The following INTS15 variants were observed in gnomAD, a reference collection of about 807,000 sequenced individuals.
INTS15 encodes uncharacterized protein C7orf26.
chr7:6,597,605 G>A, the INTS15 span, among the ~76,000 whole-genome samples: 1 of 152,166 alleles, frequency 6.6e-6, no homozygotes, highest in Admixed American at 6.6e-5. Flanking sequence ...TACCTTTTAA[G>A]TCATTGGTTA....
chr7:6,599,454 G>C, the INTS15 span, among the ~76,000 whole-genome samples: 1 of 152,314 alleles, frequency 6.6e-6, no homozygotes, highest in East Asian at 1.9e-4. Flanking sequence ...GGGAGGACAC[G>C]TACTCAGGGA....
the INTS15 span, chr7:6,594,679 A>G: frequency 2.9e-5 from 40 of 1,371,738 alleles, no homozygotes; most frequent in Admixed American, 3.7e-5. Context: ...TACCCAGGTG[A>G]AGTGTCCAGT....
At chr7:6,606,033 C>T in the INTS15 span, among the ~76,000 whole-genome samples, 1 of 152,104 alleles carries the variant, frequency 6.6e-6, no homozygotes, top group Non-Finnish European at 1.5e-5. Flanking sequence ...CTGTGTTCAC[C>T]GTGTTTCCAA....
chr7:6,597,987 G>C, the INTS15 span, among the ~76,000 whole-genome samples: 1 of 152,240 alleles, frequency 6.6e-6, no homozygotes, highest in African/African-American at 2.4e-5. Context: ...GGATCCTAGA[G>C]ACTGAGGACT....
At chr7:6,592,878 G>A in the INTS15 span, among the ~76,000 whole-genome samples, 2 of 152,044 alleles carry the variant, frequency 1.3e-5, no homozygotes, top group Admixed American at 1.3e-4. Flanking sequence ...CCAAAGTGCC[G>A]GGATTATAAG....
the INTS15 span, chr7:6,602,017 T>A: frequency 2.4e-6 from 3 of 1,254,052 alleles, no homozygotes; most frequent in Admixed American, 5.4e-5. Flanking sequence ...GCTGTCTTGC[T>A]AGCATCCTTG....
At chr7:6,600,390 G>A in the INTS15 span, 27 of 1,581,860 alleles carry the variant, frequency 1.7e-5, no homozygotes, top group Middle Eastern at 1.8e-4. Flanking sequence ...CTCCTGGTGC[G>A]GGGACACCGC....
the INTS15 span, among the ~76,000 whole-genome samples, chr7:6,595,013 C>G: frequency 6.6e-6 from 1 of 151,824 alleles, no homozygotes; most frequent in Non-Finnish European, 1.5e-5. Flanking sequence ...TAGGTGTGCA[C>G]CACCGTGCCC....
chr7:6,596,376 C>CTT, the INTS15 span, among the ~76,000 whole-genome samples: 761 of 107,854 alleles, frequency 7.1e-3, 17 homozygotes, highest in Non-Finnish European at 9.6e-3. Context: ...ATCTGTCACC[C>CTT]TTTTTTTTTT....
the INTS15 span, among the ~76,000 whole-genome samples, chr7:6,603,861 A>C: frequency 2.0e-5 from 3 of 151,988 alleles, no homozygotes; most frequent in Admixed American, 6.6e-5. Flanking sequence ...TTGGCCAAAT[A>C]TGGTGGCGTG....
chr7:6,594,282 A>G, the INTS15 span: 5 of 726,960 alleles, frequency 6.9e-6, no homozygotes, highest in Non-Finnish European at 1.1e-5. Context: ...TTGGGATTAC[A>G]GATATGAGCC....
the INTS15 span, among the ~76,000 whole-genome samples, chr7:6,605,034 C>T: frequency 1.3e-5 from 2 of 152,026 alleles, no homozygotes; most frequent in African/African-American, 4.8e-5. Context: ...ATTGTGTCAC[C>T]CAGGCTAGAG....
chr7:6,590,360 T>A, the INTS15 span: 5 of 1,606,806 alleles, frequency 3.1e-6, no homozygotes, highest in Non-Finnish European at 2.5e-6. Context: ...CACCTGGACA[T>A]CTACTTCAGC....
At chr7:6,602,130 C>A in the INTS15 span, 1 of 1,612,912 alleles carries the variant, frequency 6.2e-7, no homozygotes, top group East Asian at 2.2e-5. Flanking sequence ...CTCCAGGCTG[C>A]CCCATAATAA....
the INTS15 span, chr7:6,590,465 C>T: frequency 6.3e-7 from 1 of 1,590,484 alleles, no homozygotes; most frequent in Non-Finnish European, 8.5e-7. Flanking sequence ...GAGCGCAGCG[C>T]GCAGCCCAAG....
the INTS15 span, among the ~76,000 whole-genome samples, chr7:6,599,086 C>CT: frequency 1.3e-5 from 2 of 152,166 alleles, no homozygotes; most frequent in African/African-American, 4.8e-5. Flanking sequence ...GGGCCATATA[C>CT]TTTCGACGAG....
At chr7:6,590,857 G>C in the INTS15 span, among the ~76,000 whole-genome samples, 64 of 138,674 alleles carry the variant, frequency 4.6e-4, no homozygotes, top group Non-Finnish European at 8.0e-4. Flanking sequence ...TTTTTTTTTC[G>C]AGACAAGGTT....
chr7:6,590,523 G>A, the INTS15 span: 1 of 1,496,018 alleles, frequency 6.7e-7, no homozygotes, highest in Non-Finnish European at 8.9e-7. Flanking sequence ...GCGGGCGGGC[G>A]GGCCTTTTCC....
chr7:6,595,253 A>G, the INTS15 span, among the ~76,000 whole-genome samples: 23 of 152,086 alleles, frequency 1.5e-4, no homozygotes, highest in African/African-American at 5.6e-4. Flanking sequence ...GTTGGTCTTG[A>G]ACCCTGAGCT....
Sources: allele counts gnomAD v4.1 joint callset (sites outside exome capture counted in the v4.1 genomes callset), GRCh38; gene constraint gnomAD v4.1.1; transcripts MANE v1.5; gene names NCBI Gene and HGNC (gene_info 2026-07-23, HGNC 2026-07-21).